Variants in INPP4B observed in about 807,000 individuals in gnomAD.
The protein encoded by INPP4B is inositol polyphosphate 4-phosphatase type II.
Under a neutral mutation model 122.5 loss-of-function variants are expected in INPP4B, and 55 were observed. That is an observed-to-expected ratio of 0.45 (90% confidence interval 0.36 to 0.56). The LOEUF (loss-of-function observed/expected upper bound fraction) is 0.56, where lower values mean the gene tolerates loss of function less well. Ranked by LOEUF, INPP4B falls within the 20% of genes least tolerant of loss-of-function variation. The pLI is 0.00. For missense variants in INPP4B, 1,000 were observed against 1,097.7 expected, an observed-to-expected ratio of 0.91 and a Z score of 1.26; for synonymous variants, 403 against 388.7, an observed-to-expected ratio of 1.04 and a Z score of -0.43.
At chr4:142,260,907 G>C (rs1023867283) in intron 10 of INPP4B, among the ~76,000 whole-genome samples, 1 of 152,148 alleles carries the variant, frequency 6.6e-6, no homozygotes, top group Non-Finnish European at 1.5e-5. Context: ...TTTCACCTGA[G>C]CTAATTTCAG....
At chr4:142,057,492 A>G (rs894486708) in intron 25 of INPP4B, among the ~76,000 whole-genome samples, 3 of 152,134 alleles carry the variant, frequency 2.0e-5, no homozygotes, top group African/African-American at 7.2e-5. Context: ...ATAGTTTGAC[A>G]TATACACTCC....
At chr4:142,508,258 T>C (rs1824264333) in intron 2 of INPP4B, among the ~76,000 whole-genome samples, 2 of 152,122 alleles carry the variant, frequency 1.3e-5, no homozygotes, top group Non-Finnish European at 2.9e-5. Flanking sequence ...CACTAGCTAG[T>C]CCAGTGTTTA....
intron 1 of INPP4B, among the ~76,000 whole-genome samples, chr4:142,799,504 T>A (rs1441115017): frequency 6.6e-6 from 1 of 151,914 alleles, no homozygotes; most frequent in East Asian, 1.9e-4. Context: ...AAAAATAATA[T>A]AAAAATATGT....
intron 15 of INPP4B, among the ~76,000 whole-genome samples, chr4:142,175,931 A>G (rs10020099): frequency 0.1 from 15,134 of 152,000 alleles, 1,106 homozygotes; most frequent in African/African-American, 0.2. Context: ...TACAGACCCA[A>G]TGCAGAGTCA....
At chr4:142,143,227 C>G (rs1040095792) in intron 18 of INPP4B, among the ~76,000 whole-genome samples, 2 of 152,070 alleles carry the variant, frequency 1.3e-5, no homozygotes, top group African/African-American at 4.8e-5. Context: ...CACAAACCAA[C>G]AGGCCCAACA....
chr4:142,634,231 G>A (rs760260906), intron 2 of INPP4B, among the ~76,000 whole-genome samples: 1 of 152,056 alleles, frequency 6.6e-6, no homozygotes, highest in Non-Finnish European at 1.5e-5. Context: ...GATTTAGATG[G>A]CTTGGCTGAT....
At chr4:142,085,095 T>C (rs1431420002) in intron 24 of INPP4B, among the ~76,000 whole-genome samples, 1 of 152,218 alleles carries the variant, frequency 6.6e-6, no homozygotes, top group Non-Finnish European at 1.5e-5. Flanking sequence ...CATTTCATAT[T>C]GTTACCTTTG....
At chr4:142,548,943 T>C (rs1727331808) in intron 2 of INPP4B, among the ~76,000 whole-genome samples, 2 of 151,738 alleles carry the variant, frequency 1.3e-5, no homozygotes, top group Non-Finnish European at 3.0e-5. Flanking sequence ...AATAAAATTA[T>C]GTCTGTGAGG....
At chr4:142,642,830 T>A (rs1237220101) in intron 2 of INPP4B, among the ~76,000 whole-genome samples, 2 of 152,214 alleles carry the variant, frequency 1.3e-5, no homozygotes, top group South Asian at 4.1e-4. Context: ...TTGATGGGGA[T>A]GGCATTGAAT....
At chr4:142,067,665 C>T (rs1031742549) in intron 25 of INPP4B, among the ~76,000 whole-genome samples, 8 of 151,872 alleles carry the variant, frequency 5.3e-5, no homozygotes, top group Admixed American at 6.6e-5. Context: ...AACCATGGCA[C>T]GAGAAGTACG....
At chr4:142,350,298 T>C (rs779863828) in intron 7 of INPP4B, among the ~76,000 whole-genome samples, 39 of 152,008 alleles carry the variant, frequency 2.6e-4, no homozygotes, top group Non-Finnish European at 4.6e-4. Context: ...TCTTCAATAA[T>C]TGCTGTCCAT....
At chr4:142,305,646 T>A in intron 8 of INPP4B, 109 bp from the exon 9 acceptor site, 1 of 1,491,682 alleles carries the variant, frequency 6.7e-7, no homozygotes, top group Non-Finnish European at 9.1e-7. Context: ...ATTAAATCTA[T>A]TAGCCTGACA....
chr4:142,242,451 T>TA (rs1328477313), intron 11 of INPP4B, among the ~76,000 whole-genome samples: 1 of 152,214 alleles, frequency 6.6e-6, no homozygotes, highest in Non-Finnish European at 1.5e-5. Flanking sequence ...ATTTCATCTG[T>TA]AGAATTTGGA....
intron 18 of INPP4B, among the ~76,000 whole-genome samples, chr4:142,140,522 T>G (rs1481235013): frequency 6.6e-6 from 1 of 152,208 alleles, no homozygotes; most frequent in African/African-American, 2.4e-5. Flanking sequence ...CTAATCATTT[T>G]TATCTGTTAC....
intron 14 of INPP4B, among the ~76,000 whole-genome samples, chr4:142,208,127 A>G (rs1250629716): frequency 6.6e-6 from 1 of 152,144 alleles, no homozygotes; most frequent in Non-Finnish European, 1.5e-5. Flanking sequence ...TCTAATTCAA[A>G]TGAGCTTAAA....
chr4:142,357,105 T>C (rs1204220607), intron 7 of INPP4B, among the ~76,000 whole-genome samples: 2 of 152,170 alleles, frequency 1.3e-5, no homozygotes, highest in East Asian at 3.9e-4. Flanking sequence ...TCCTTTAAAA[T>C]ATCCTTTGTG....
chr4:142,554,461 A>G (rs1391431694), intron 2 of INPP4B, among the ~76,000 whole-genome samples: 1 of 151,844 alleles, frequency 6.6e-6, no homozygotes, highest in Non-Finnish European at 1.5e-5. Context: ...ATATAAAGCA[A>G]CTCTGCTCAT....
At chr4:142,099,271 T>C (rs1213153482) in intron 23 of INPP4B, among the ~76,000 whole-genome samples, 3 of 152,196 alleles carry the variant, frequency 2.0e-5, no homozygotes, top group African/African-American at 4.8e-5. Flanking sequence ...TAACATAATA[T>C]TCCTCTCTAT....
intron 7 of INPP4B, among the ~76,000 whole-genome samples, chr4:142,362,886 G>A (rs184149622): frequency 6.6e-6 from 1 of 152,090 alleles, no homozygotes; most frequent in East Asian, 1.9e-4. Context: ...CTATTGGTTA[G>A]TACGTTCACT....
Sources: gnomAD v4.1 joint callset for allele counts (sites outside exome capture counted in the v4.1 genomes callset) on GRCh38, gnomAD v4.1.1 for gene constraint, MANE v1.5 for transcripts, NCBI Gene and HGNC (gene_info 2026-07-23, HGNC 2026-07-21) for gene names.